The following SCG5 variants were observed in gnomAD, a reference collection of about 807,000 sequenced individuals.
SCG5 encodes the protein secretogranin V, also known as neuroendocrine protein 7B2.
In SCG5, 18 loss-of-function variants were observed where a neutral mutation model predicts 25.7. That is an observed-to-expected ratio of 0.70 (90% CI 0.48 to 1.04). The LOEUF is 1.04. SCG5 is among the 50% of genes least tolerant of loss of function. SCG5 has a pLI of 0.00. For missense variants in SCG5, 206 were observed against 259.8 expected (o/e 0.79, Z 1.42); for synonymous variants, 101 against 91.7 (o/e 1.10, Z -0.58).
At chr15:32,652,297 G>T (rs925347672) in intron 2 of SCG5, among the ~76,000 whole-genome samples, 1 of 152,042 alleles carries the variant, frequency 6.6e-6, no homozygotes, top group African/African-American at 2.4e-5. Flanking sequence ...GCATTGAGGG[G>T]ATAAACAAGG....
intron 4 of SCG5, 81 bp from the exon 5 acceptor site, chr15:32,691,629 C>A: frequency 9.3e-7 from 1 of 1,080,184 alleles, no homozygotes; most frequent in East Asian, 2.6e-5. Flanking sequence ...GGGGACACAC[C>A]AAGTATTGCT....
chr15:32,662,796 T>C (rs1416830271), intron 2 of SCG5, among the ~76,000 whole-genome samples: 2 of 151,704 alleles, frequency 1.3e-5, no homozygotes, highest in African/African-American at 2.4e-5. Flanking sequence ...GGATTTCCTG[T>C]AATGGCCACC....
At chr15:32,649,615 C>T (rs900074442) in intron 2 of SCG5, among the ~76,000 whole-genome samples, 1 of 151,848 alleles carries the variant, frequency 6.6e-6, no homozygotes, top group East Asian at 1.9e-4. Context: ...TTTAAGTGGT[C>T]GCTGGGGTAG....
intron 4 of SCG5, among the ~76,000 whole-genome samples, chr15:32,685,390 A>T (rs2054691184): frequency 6.6e-6 from 1 of 152,202 alleles, no homozygotes; most frequent in Non-Finnish European, 1.5e-5. Flanking sequence ...AAAGCATTTG[A>T]CAAGATCGTT....
intron 4 of SCG5, among the ~76,000 whole-genome samples, chr15:32,690,763 G>C (rs2054836123): frequency 6.6e-6 from 1 of 150,810 alleles, no homozygotes; most frequent in Non-Finnish European, 1.5e-5. Flanking sequence ...GAGGATACAT[G>C]TTGTATAAAC....
chr15:32,650,345 C>T (rs904147362), intron 2 of SCG5, among the ~76,000 whole-genome samples: 5 of 152,224 alleles, frequency 3.3e-5, no homozygotes, highest in African/African-American at 4.8e-5. Flanking sequence ...TCGTGATCCG[C>T]CCATCTCGGC....
intron 2 of SCG5, among the ~76,000 whole-genome samples, chr15:32,649,580 A>G (rs1187642418): frequency 6.6e-6 from 1 of 152,182 alleles, no homozygotes; most frequent in Non-Finnish European, 1.5e-5. Context: ...GAACCCTGGT[A>G]GCCAGCCTCC....
intron 2 of SCG5, among the ~76,000 whole-genome samples, chr15:32,664,498 G>A (rs968492787): frequency 2.0e-5 from 3 of 152,132 alleles, no homozygotes; most frequent in African/African-American, 2.4e-5. Context: ...TTTGTATACC[G>A]CTTTTAAGAG....
intron 4 of SCG5, among the ~76,000 whole-genome samples, chr15:32,688,747 A>G (rs917543342): frequency 2.6e-5 from 4 of 152,110 alleles, no homozygotes; most frequent in African/African-American, 9.7e-5. Flanking sequence ...TCATGAGGTC[A>G]GGAGATCGAG....
intron 4 of SCG5, among the ~76,000 whole-genome samples, chr15:32,689,594 A>C (rs1422537244): frequency 6.6e-6 from 1 of 152,136 alleles, no homozygotes; most frequent in African/African-American, 2.4e-5. Flanking sequence ...ACCACTCCCC[A>C]AGGAATCAAC....
At chr15:32,689,201 T>C (rs924693932) in intron 4 of SCG5, among the ~76,000 whole-genome samples, 1 of 152,156 alleles carries the variant, frequency 6.6e-6, no homozygotes, top group East Asian at 1.9e-4. Flanking sequence ...TTTATTTATT[T>C]ATTTATAAAT....
Position 32,686,634 on chromosome 15 carries a change from G to A in SCG5, c.489+1965G>A, listed in dbSNP as rs183695054. On this transcript the variant is annotated intron_variant, in intron 4 of 5. Transcript: ENST00000300175. Reference sequence around the variant, plus strand: ...GAGGGAAAGAGTAGATTGCGGAGGAGTACTGGGAAGAGATCCACAAGAGGT... The same window carrying A: ...GAGGGAAAGAGTAGATTGCGGAGGAATACTGGGAAGAGATCCACAAGAGGT... 2.6e-5 allele frequency among the ~76,000 whole-genome samples: 4 copies of A among 151,784 alleles called. No homozygotes were observed. The East Asian group carries it at 7.8e-4, about 30-fold the overall frequency.
chr15:32,643,201 CTCTT>C (rs555184780), intron 1 of SCG5, among the ~76,000 whole-genome samples: 13 of 152,314 alleles, frequency 8.5e-5, no homozygotes, highest in Non-Finnish European at 1.3e-4. Flanking sequence ...ATGCCACTAT[CTCTT>C]TCTCAAAATG....
Position 32,643,780 on chromosome 15 carries a change from A to G in SCG5, c.188A>G (p.His63Arg). The stretch of plus-strand genomic sequence containing the variant: ...AGGCCCCGAGTGGAATATCCAGCTC[A>G]CCAGGCCATGAATCTTGTGGGCCCC... ...IARPRVEYPAHQAMNLVGPQS... is the reference protein window; with the variant it reads ...IARPRVEYPARQAMNLVGPQS... The change falls in exon 2 of 6, where the codon CAC becomes CGC. Residue 63 changes from histidine to arginine, a missense_variant. His to Arg is a conservative substitution (Grantham distance 29). Coordinates refer to ENST00000300175, the MANE Select transcript of SCG5 (RefSeq NM_001144757.3). 1 of 1,613,898 alleles carries G rather than the reference A, an allele frequency of 6.2e-7. No individual in the cohort carries two copies. Among genetic ancestry groups the G allele is most frequent in the Non-Finnish European group, 8.5e-7 (1 of 1,179,892 alleles).
intron 1 of SCG5, among the ~76,000 whole-genome samples, chr15:32,642,891 C>T (rs2053888490): frequency 6.6e-6 from 1 of 152,162 alleles, no homozygotes; most frequent in Admixed American, 6.5e-5. Context: ...CACACACCCT[C>T]ACAACAACCC....
Position 32,663,824 on chromosome 15 carries a change from C to A in SCG5, c.227-15942C>A, listed in dbSNP as rs139068528. Among the ~76,000 whole-genome samples, 731 of 152,272 alleles carry A rather than the reference C, an allele frequency of 4.8e-3. 3 individuals are homozygous for A. Among genetic ancestry groups the A allele is most frequent in the African/African-American group, 0.017 (690 of 41,548 alleles). ...GGCTGTACCAGCTGCAGCTTCAAGT[C>A]CAGTGCCTCTTGTGGGAAAGGAGCC... On this transcript the variant is annotated intron_variant, in intron 2 of 5. Coordinates refer to ENST00000300175, the MANE Select transcript of SCG5 (RefSeq NM_001144757.3).
Position 32,684,657 on chromosome 15 carries a change from C to T in SCG5, c.477C>T (p.Gly159=). The T allele has an allele frequency of 6.2e-7, 1 of 1,611,928 alleles. No individual in the cohort carries two copies. Among genetic ancestry groups the T allele is most frequent in the Non-Finnish European group, 8.5e-7 (1 of 1,178,264 alleles). The part of the protein sequence containing the change: ...HLFDPEHDYP[G]LGKWNKKLLY... ...TTGATCCGGAACATGACTATCCAGG[C>T]TTGGGCAAGTGGGTAAGTCCTATCT... The change falls in exon 4 of 6, where the codon GGC becomes GGT. Residue 159 remains glycine (G), a synonymous_variant. Transcript: ENST00000300175.
At chr15:32,659,094 A>T (rs2054173542) in intron 2 of SCG5, among the ~76,000 whole-genome samples, 2 of 152,036 alleles carry the variant, frequency 1.3e-5, no homozygotes, top group African/African-American at 4.8e-5. Flanking sequence ...GAGAATGGCG[A>T]GAACCTGGGA....
At chr15:32,661,985 A>G (rs1381714339) in intron 2 of SCG5, among the ~76,000 whole-genome samples, 1 of 152,170 alleles carries the variant, frequency 6.6e-6, no homozygotes, top group African/African-American at 2.4e-5. Flanking sequence ...ATCTCTTTTT[A>G]TACTTAATAT....
Sources: gnomAD v4.1 joint callset for allele counts (sites outside exome capture counted in the v4.1 genomes callset) on GRCh38, gnomAD v4.1.1 for gene constraint, MANE v1.5 for transcripts, NCBI Gene and HGNC (gene_info 2026-07-23, HGNC 2026-07-21) for gene names.